The following EXT1 variants were observed in gnomAD, a reference collection of about 807,000 sequenced individuals.
The protein encoded by EXT1 is exostosin glycosyltransferase 1.
Under a neutral mutation model 82.5 loss-of-function variants are expected in EXT1, and 20 were observed. The observed-to-expected ratio is 0.24, with a 90% CI of 0.17 to 0.35. The LOEUF (loss-of-function observed/expected upper bound fraction) is 0.35, where lower values mean the gene tolerates loss of function less well. Ranked by LOEUF, EXT1 falls within the 10% of genes least tolerant of loss-of-function variation. The pLI, the probability that EXT1 is intolerant of heterozygous loss-of-function variation, is 1.00. For synonymous variants in EXT1, 348 were observed against 350.8 expected (o/e 0.99, Z 0.09); for missense variants, 757 against 936.5 (o/e 0.81, Z 2.50).
chr8:117,898,881 G>T (rs958770216), intron 1 of EXT1, among the ~76,000 whole-genome samples: 1 of 151,556 alleles, frequency 6.6e-6, no homozygotes, highest in Admixed American at 6.6e-5. Flanking sequence ...ACTCCAATCA[G>T]GTCAGTAAAT....
At chr8:118,024,015 T>C (rs1361936303) in intron 1 of EXT1, among the ~76,000 whole-genome samples, 1 of 152,186 alleles carries the variant, frequency 6.6e-6, no homozygotes, top group Admixed American at 6.5e-5. Context: ...AAGTCTAGAG[T>C]GGACATTGCT....
intron 1 of EXT1, among the ~76,000 whole-genome samples, chr8:118,016,332 G>T (rs569030450): frequency 1.3e-4 from 20 of 152,354 alleles, no homozygotes; most frequent in African/African-American, 4.3e-4. Context: ...GGCAGAGGTT[G>T]CAGTGAGCCA....
chr8:117,945,726 C>A (rs1031228421), intron 1 of EXT1, among the ~76,000 whole-genome samples: 4 of 152,128 alleles, frequency 2.6e-5, no homozygotes, highest in African/African-American at 9.7e-5. Flanking sequence ...TGGTCTCAAA[C>A]TCCTGACCTC....
At chr8:117,924,883 A>G (rs1228507751) in intron 1 of EXT1, among the ~76,000 whole-genome samples, 1 of 152,226 alleles carries the variant, frequency 6.6e-6, no homozygotes. Context: ...TACATGAATG[A>G]TACAATTTTG....
At chr8:117,831,331 C>T (rs1812095826) in intron 3 of EXT1, among the ~76,000 whole-genome samples, 1 of 152,084 alleles carries the variant, frequency 6.6e-6, no homozygotes, top group South Asian at 2.1e-4. Flanking sequence ...TAGCACAGTG[C>T]CTAAAACATG....
chr8:117,817,434 T>C (rs1811841062), intron 7 of EXT1, among the ~76,000 whole-genome samples: 1 of 152,110 alleles, frequency 6.6e-6, no homozygotes. Flanking sequence ...GGAAAGTTTT[T>C]TAGATGGCAC....
intron 5 of EXT1, among the ~76,000 whole-genome samples, chr8:117,820,649 A>C (rs1428660310): frequency 1.3e-5 from 2 of 151,832 alleles, no homozygotes; most frequent in African/African-American, 4.8e-5. Flanking sequence ...GATGGTGCCG[A>C]TGGTGCCACT....
chr8:117,978,425 T>C (rs188989166), intron 1 of EXT1, among the ~76,000 whole-genome samples: 5 of 152,276 alleles, frequency 3.3e-5, no homozygotes, highest in South Asian at 2.1e-4. Context: ...AGTAAGCACA[T>C]CATCTCTTTG....
chr8:117,940,490 A>G lies in EXT1; in HGVS notation c.963-103289T>C, dbSNP rs17451057. ...AGGAAGGATGTTACAGCTCATTTCAATTCAAACGACCTTTACTAAATAGCT... is the reference window on the plus strand; with the variant it reads ...AGGAAGGATGTTACAGCTCATTTCAGTTCAAACGACCTTTACTAAATAGCT... On this transcript the variant is annotated intron_variant, in intron 1 of 10. Transcript: ENST00000378204. Among the ~76,000 whole-genome samples, 643 of 152,354 alleles carry G rather than the reference A, an allele frequency of 4.2e-3. 14 individuals are homozygous for G. In the East Asian group the frequency reaches 0.06, roughly 14 times the overall value.
At chr8:118,073,614 G>GGAAGAGAAGA (rs142728766) in intron 1 of EXT1, among the ~76,000 whole-genome samples, 3 of 139,976 alleles carry the variant, frequency 2.1e-5, no homozygotes, top group African/African-American at 8.4e-5. Flanking sequence ...AGAGAGGAAA[G>GGAAGAGAAGA]GAAGAGAAGA....
rs761175866 is a variant in EXT1 at position 118,110,895 on chromosome 8, G to A, written c.152C>T (p.Pro51Leu). 6.2e-7 allele frequency: 1 copy of A among 1,613,924 alleles called. No homozygotes were observed. The highest frequency in any genetic ancestry group is 1.3e-5 in the African/African-American group (1 of 74,896). ...CGGGAAGCGGGGCCAGAAATGATCC[G>A]GACTGGGGTGGTGCAAGCCATTCCT... ...SGRNGLHHPSPDHFWPRFPDA... is the reference protein window; with the variant it reads ...SGRNGLHHPSLDHFWPRFPDA... Residue 51 changes from proline to leucine, a missense_variant, in exon 1 of 11, where the codon CCG (proline) becomes CTG (leucine). Physicochemically the swap from Pro to Leu is moderately conservative, Grantham distance 98. Around this residue, in one of 4 missense-constraint regions of EXT1, gnomAD observed 175 missense variants for 159.0 expected, o/e 1.10. Coordinates refer to ENST00000378204, the MANE Select transcript of EXT1 (RefSeq NM_000127.3).
chr8:117,950,110 G>A (rs564966991), intron 1 of EXT1, among the ~76,000 whole-genome samples: 30 of 152,216 alleles, frequency 2.0e-4, no homozygotes, highest in African/African-American at 7.0e-4. Context: ...GCATGGTGGC[G>A]TGAGCCTGTA....
At chr8:117,803,304 C>T (rs1004945877) in intron 10 of EXT1, among the ~76,000 whole-genome samples, 6 of 152,044 alleles carry the variant, frequency 3.9e-5, no homozygotes, top group African/African-American at 1.2e-4. Flanking sequence ...AAGCAATTCT[C>T]GTGCCTCAGC....
At chr8:117,949,544 TATC>T (rs1212227774) in intron 1 of EXT1, among the ~76,000 whole-genome samples, 15 of 149,804 alleles carry the variant, frequency 1.0e-4, no homozygotes, top group African/African-American at 2.9e-4. Context: ...ACGTATTATA[TATC>T]ATATTTGTGC....
intron 1 of EXT1, among the ~76,000 whole-genome samples, chr8:117,938,789 T>C (rs1814217883): frequency 6.6e-6 from 1 of 152,208 alleles, no homozygotes; most frequent in African/African-American, 2.4e-5. Context: ...ATAAGATAAA[T>C]TTGGACCCAA....
In EXT1 at chr8:118,035,232, G is replaced by A. The variant is rs183101329; in HGVS notation, c.962+74853C>T. On this transcript the variant is annotated intron_variant, in intron 1 of 10. Transcript: ENST00000378204. ...CTGTCCTACTCAATGTGGTTTGCTA[G>A]CCTCACTCGCACACAGGAAGCTTGG... Among the ~76,000 whole-genome samples the A allele has an allele frequency of 4.0e-3, 607 of 152,182 alleles. 4 individuals carry two copies. The highest frequency in any genetic ancestry group is 0.02 in the Middle Eastern group (6 of 294).
At chr8:118,103,208 G>A (rs942593871) in intron 1 of EXT1, among the ~76,000 whole-genome samples, 5 of 152,158 alleles carry the variant, frequency 3.3e-5, no homozygotes, top group South Asian at 2.1e-4. Context: ...GTGCAGTGGT[G>A]CCATCATCAG....
chr8:118,090,043 G>A (rs1448596618), intron 1 of EXT1, among the ~76,000 whole-genome samples: 1 of 152,216 alleles, frequency 6.6e-6, no homozygotes, highest in Non-Finnish European at 1.5e-5. Flanking sequence ...GGAAAAAGAG[G>A]TGTATAAAAT....
At chr8:118,056,710 C>A (rs566020992) in intron 1 of EXT1, among the ~76,000 whole-genome samples, 1 of 152,246 alleles carries the variant, frequency 6.6e-6, no homozygotes, top group East Asian at 1.9e-4. Flanking sequence ...AAGCTTCCCA[C>A]AAAAAGATGG....
Sources: gnomAD v4.1 joint callset for allele counts (sites outside exome capture counted in the v4.1 genomes callset) on GRCh38, gnomAD v4.1.1 for gene constraint, gnomAD v4.1.1 regional missense constraint, MANE v1.5 for transcripts, NCBI Gene and HGNC (gene_info 2026-07-23, HGNC 2026-07-21) for gene names.